NPAS3: variants seen among roughly 807,000 people sequenced by gnomAD.
NPAS3 encodes neuronal PAS domain-containing protein 3.
NPAS3 carries 14 observed loss-of-function variants against 73.1 expected under a neutral mutation model. The observed-to-expected ratio is 0.19, with a 90% CI of 0.13 to 0.30. NPAS3 has a LOEUF of 0.30. Ranked by LOEUF, NPAS3 falls within the 10% of genes least tolerant of loss-of-function variation. NPAS3 has a pLI of 1.00. For missense variants in NPAS3, 1,096 were observed against 1,250.0 expected (o/e 0.88, Z 1.86); for synonymous variants, 620 against 541.5 (o/e 1.14, Z -2.01).
intron 4 of NPAS3, among the ~76,000 whole-genome samples, chr14:33,441,735 TCA>T (rs1018285998): frequency 6.6e-6 from 1 of 152,212 alleles, no homozygotes; most frequent in Admixed American, 6.5e-5. Context: ...TTTAATGGAT[TCA>T]CAGTTTCACG....
At chr14:33,592,280 T>G (rs1248586630) in intron 5 of NPAS3, among the ~76,000 whole-genome samples, 1 of 152,200 alleles carries the variant, frequency 6.6e-6, no homozygotes, top group African/African-American at 2.4e-5. Context: ...AAATCATGTA[T>G]AGTCATCAAT....
chr14:33,271,534 C>T (rs377187745), intron 3 of NPAS3, among the ~76,000 whole-genome samples: 3 of 152,002 alleles, frequency 2.0e-5, no homozygotes, highest in African/African-American at 4.8e-5. Context: ...GTATTGTTTT[C>T]GGAGCCCCAG....
At chr14:33,234,233 G>C (rs1340041333) in intron 3 of NPAS3, among the ~76,000 whole-genome samples, 1 of 151,980 alleles carries the variant, frequency 6.6e-6, no homozygotes, top group South Asian at 2.1e-4. Context: ...CTTCAGGTAA[G>C]TGTGTATAAT....
chr14:33,148,486 C>G (rs185704317), intron 2 of NPAS3, among the ~76,000 whole-genome samples: 141 of 152,206 alleles, frequency 9.3e-4, no homozygotes, highest in African/African-American at 3.4e-3. Context: ...GAGATACACA[C>G]TGGATTTCAA....
chr14:33,057,615 C>T (rs559916183), intron 2 of NPAS3, among the ~76,000 whole-genome samples: 2 of 152,096 alleles, frequency 1.3e-5, no homozygotes, highest in Non-Finnish European at 2.9e-5. Flanking sequence ...AGGAATTTGG[C>T]GCATAGTAAG....
In NPAS3 at chr14:33,208,930, G is replaced by A. The variant is rs1413564333; in HGVS notation, c.141-6252G>A. Among the ~76,000 whole-genome samples the A allele has an allele frequency of 2.0e-5, 3 of 152,030 alleles. 1 individual carries two copies. The highest frequency in any genetic ancestry group is 7.2e-5 in the African/African-American group (3 of 41,406). On this transcript the variant is annotated intron_variant, in intron 2 of 11. Transcript: ENST00000356141. ...AGCAGCAACCTGCCATTTATATAAGGGCAAAATGTGCATCTATATTTAGTT... is the reference window on the plus strand; with the variant it reads ...AGCAGCAACCTGCCATTTATATAAGAGCAAAATGTGCATCTATATTTAGTT...
intron 4 of NPAS3, among the ~76,000 whole-genome samples, chr14:33,381,525 CAT>C (rs1172652386): frequency 6.6e-6 from 1 of 152,068 alleles, no homozygotes; most frequent in Non-Finnish European, 1.5e-5. Context: ...CTGGAGACTA[CAT>C]ATAGTTAGGT....
intron 3 of NPAS3, among the ~76,000 whole-genome samples, chr14:33,359,710 A>G (rs553510598): frequency 6.6e-6 from 1 of 152,332 alleles, no homozygotes; most frequent in African/African-American, 2.4e-5. Context: ...ATTTCTACCA[A>G]TGAAAAGTCA....
intron 1 of NPAS3, among the ~76,000 whole-genome samples, chr14:33,023,084 C>T (rs1300613596): frequency 6.6e-6 from 1 of 150,884 alleles, no homozygotes; most frequent in African/African-American, 2.4e-5. Context: ...TAGTGGCAAA[C>T]ACAAATTTAA....
intron 4 of NPAS3, among the ~76,000 whole-genome samples, chr14:33,434,000 G>C (rs2048882246): frequency 6.6e-6 from 1 of 152,104 alleles, no homozygotes; most frequent in African/African-American, 2.4e-5. Context: ...AGACCAGCCT[G>C]GCTAACAAGG....
intron 5 of NPAS3, chr14:33,612,732 G>A: frequency 6.2e-6 from 2 of 322,316 alleles, no homozygotes; most frequent in Non-Finnish European, 1.2e-5. Flanking sequence ...TATCTCCTAA[G>A]ACTAGCTGAC....
chr14:33,147,588 T>A (rs1251465111), intron 2 of NPAS3, among the ~76,000 whole-genome samples: 9 of 140,656 alleles, frequency 6.4e-5, no homozygotes, highest in Non-Finnish European at 1.4e-4. Flanking sequence ...TGTTGTGGGG[T>A]CGGGGGAGGG....
At chr14:33,049,040 GCTTT>G (rs2040611605) in intron 1 of NPAS3, among the ~76,000 whole-genome samples, 1 of 152,162 alleles carries the variant, frequency 6.6e-6, no homozygotes, top group Admixed American at 6.5e-5. Flanking sequence ...GTGATTAGGA[GCTTT>G]CTATATCTAC....
chr14:33,418,405 A>G (rs2048239301), intron 4 of NPAS3, among the ~76,000 whole-genome samples: 1 of 151,994 alleles, frequency 6.6e-6, no homozygotes. Flanking sequence ...TGCTGGTAGC[A>G]GGCAGTGTAT....
At chr14:33,537,613 G>A (rs2054313695) in intron 4 of NPAS3, among the ~76,000 whole-genome samples, 1 of 152,220 alleles carries the variant, frequency 6.6e-6, no homozygotes. Flanking sequence ...GCCATCGTGA[G>A]TGGTGATAAT....
At chr14:33,403,133 G>A (rs765013599) in intron 4 of NPAS3, among the ~76,000 whole-genome samples, 2 of 152,090 alleles carry the variant, frequency 1.3e-5, no homozygotes, top group African/African-American at 2.4e-5. Flanking sequence ...ATTTTTATCA[G>A]TATTGCATTT....
intron 3 of NPAS3, among the ~76,000 whole-genome samples, chr14:33,295,049 T>G (rs990468773): frequency 1.3e-4 from 20 of 152,338 alleles, no homozygotes; most frequent in Middle Eastern, 6.8e-3. Context: ...AAAAATAGAC[T>G]TTTATTTATC....
intron 1 of NPAS3, among the ~76,000 whole-genome samples, chr14:32,974,099 C>A (rs2037552590): frequency 6.6e-6 from 1 of 152,304 alleles, no homozygotes; most frequent in East Asian, 1.9e-4. Flanking sequence ...AATGGCTCTA[C>A]AGAGTGTAGA....
chr14:33,668,506 A>T (rs2059519820), intron 5 of NPAS3, among the ~76,000 whole-genome samples: 3 of 152,202 alleles, frequency 2.0e-5, no homozygotes. Flanking sequence ...TTCCTAATCC[A>T]GTTACCTTTC....
Sources: gnomAD v4.1 joint callset for allele counts (sites outside exome capture counted in the v4.1 genomes callset) on GRCh38, gnomAD v4.1.1 for gene constraint, MANE v1.5 for transcripts, NCBI Gene and HGNC (gene_info 2026-07-23, HGNC 2026-07-21) for gene names.